The following POLQ variants were observed in gnomAD, a reference collection of about 807,000 sequenced individuals.
POLQ encodes epididymis secretory sperm binding protein.
Under a neutral mutation model 259.2 loss-of-function variants are expected in POLQ, and 233 were observed. That is an observed-to-expected ratio of 0.90 (90% CI 0.81 to 1.00). POLQ has a LOEUF of 1.00. Among genes scored for constraint, POLQ ranks in the 50% least tolerant of loss-of-function variants. The pLI is 0.00. For synonymous variants in POLQ, 1,025 were observed against 1,048.8 expected (o/e 0.98, Z 0.44); for missense variants, 2,871 against 3,051.6 (o/e 0.94, Z 1.39).
At chr3:121,518,473 T>C (rs1477257065) in intron 9 of POLQ, among the ~76,000 whole-genome samples, 3 of 152,184 alleles carry the variant, frequency 2.0e-5, no homozygotes, top group African/African-American at 7.2e-5. Context: ...CTTGGAAAGA[T>C]TCAAATTTTT....
chr3:121,432,511 T>G, intron 29 of POLQ, 94 bp from the exon 30 acceptor site: 1 of 1,284,860 alleles, frequency 7.8e-7, no homozygotes, highest in Non-Finnish European at 1.1e-6. Flanking sequence ...ACTGGAGCTC[T>G]TCACCCAATG....
rs774439685 is a variant in POLQ at position 121,522,072 on chromosome 3, G to C, written c.1186C>G (p.Arg396Gly). 1.2e-6 allele frequency: 2 copies of C among 1,609,718 alleles called. No individual in the cohort carries two copies. The highest frequency in any genetic ancestry group is 1.7e-5 in the Admixed American group (1 of 59,688). ...ACAGAGTCCAGTCCTGAAGGCAAACGTCTTAACTGATCCATCACTTCCAGG... is the reference window on the plus strand; with the variant it reads ...ACAGAGTCCAGTCCTGAAGGCAAACCTCTTAACTGATCCATCACTTCCAGG... ...ELLEVMDQLR[R>G]LPSGLDSVLQ... The change falls in exon 8 of 30, where the codon CGT (arginine) becomes GGT (glycine). Residue 396 changes from arginine (R) to glycine (G), a missense_variant. Physicochemically the swap from Arg to Gly is moderately radical, Grantham distance 125 (BLOSUM62 -2). Around this residue, in one of 3 missense-constraint regions of POLQ, gnomAD observed 783 missense variants for 906.2 expected, o/e 0.86. Coordinates refer to ENST00000264233, the MANE Select transcript of POLQ (RefSeq NM_199420.4).
intron 6 of POLQ, among the ~76,000 whole-genome samples, chr3:121,532,678 C>T (rs546404949): frequency 9.0e-4 from 136 of 151,520 alleles, no homozygotes; most frequent in African/African-American, 3.0e-3. Flanking sequence ...GGATTACAGG[C>T]GCCCACCACC....
intron 12 of POLQ, among the ~76,000 whole-genome samples, chr3:121,499,968 T>C (rs2048154199): frequency 6.6e-6 from 1 of 151,990 alleles, no homozygotes; most frequent in South Asian, 2.1e-4. Flanking sequence ...AAGAACCAAA[T>C]GAAAATTCTG....
intron 9 of POLQ, among the ~76,000 whole-genome samples, chr3:121,516,883 T>C (rs1164457231): frequency 6.6e-6 from 1 of 152,178 alleles, no homozygotes; most frequent in Non-Finnish European, 1.5e-5. Flanking sequence ...TGAAATACAA[T>C]GATATGCAAG....
intron 7 of POLQ, among the ~76,000 whole-genome samples, chr3:121,522,743 A>G (rs1359287244): frequency 6.6e-6 from 1 of 152,192 alleles, no homozygotes; most frequent in African/African-American, 2.4e-5. Flanking sequence ...AAAGTTTAGG[A>G]AACTGTGTAA....
intron 22 of POLQ, among the ~76,000 whole-genome samples, chr3:121,470,976 G>C (rs893945740): frequency 6.6e-6 from 1 of 152,150 alleles, no homozygotes; most frequent in Non-Finnish European, 1.5e-5. Flanking sequence ...TAGGCATTGA[G>C]AGGTTAAGTA....
chr3:121,433,205 G>A (rs55797921), intron 28 of POLQ, among the ~76,000 whole-genome samples, 172 bp from the exon 29 acceptor site: 2 of 152,096 alleles, frequency 1.3e-5, no homozygotes, highest in African/African-American at 2.4e-5. Context: ...CTAAGTATCC[G>A]GTATAAACTC....
intron 25 of POLQ, among the ~76,000 whole-genome samples, chr3:121,452,922 G>C (rs2047691801): frequency 6.6e-6 from 1 of 152,236 alleles, no homozygotes; most frequent in Non-Finnish European, 1.5e-5. Flanking sequence ...TCTGAGAACA[G>C]GCAGACTGCC....
chr3:121,463,665 T>C (rs1225348632), intron 24 of POLQ, among the ~76,000 whole-genome samples: 1 of 152,174 alleles, frequency 6.6e-6, no homozygotes, highest in Non-Finnish European at 1.5e-5. Context: ...GGCATAGATA[T>C]TTTGGAATCT....
chr3:121,473,233 T>G, intron 21 of POLQ, 117 bp downstream of exon 21: 1 of 917,898 alleles, frequency 1.1e-6, no homozygotes, highest in Non-Finnish European at 1.6e-6. Flanking sequence ...TTAATTTATA[T>G]CTGGGTAAAT....
chr3:121,517,631 A>G (rs1441377557), intron 9 of POLQ, among the ~76,000 whole-genome samples: 1 of 152,210 alleles, frequency 6.6e-6, no homozygotes, highest in Non-Finnish European at 1.5e-5. Context: ...ACTATGTGCA[A>G]CTTCTGAGCA....
At chr3:121,506,939 A>C (rs946515919) in intron 12 of POLQ, among the ~76,000 whole-genome samples, 2 of 152,210 alleles carry the variant, frequency 1.3e-5, no homozygotes, top group African/African-American at 4.8e-5. Flanking sequence ...AAGAATAAAA[A>C]ATGAATTGAT....
intron 24 of POLQ, among the ~76,000 whole-genome samples, chr3:121,463,063 C>T (rs1012103726): frequency 6.6e-6 from 1 of 152,172 alleles, no homozygotes; most frequent in African/African-American, 2.4e-5. Flanking sequence ...TCACATTTTA[C>T]AAAAAGCAAA....
At chr3:121,466,417 G>T (rs1489032458) in intron 24 of POLQ, among the ~76,000 whole-genome samples, 1 of 148,282 alleles carries the variant, frequency 6.7e-6, no homozygotes, top group Non-Finnish European at 1.5e-5. Context: ...TTAGCCAGGC[G>T]CAGTGGCTCA....
Position 121,460,190 on chromosome 3 carries a change from T to A in POLQ, c.7012A>T (p.Ile2338Phe). Residue 2338 changes from isoleucine to phenylalanine, a missense_variant, in exon 25 of 30, where the codon ATC (isoleucine) becomes TTC (phenylalanine). Physicochemically the swap from Ile to Phe is conservative, Grantham distance 21. Around this residue, in one of 3 missense-constraint regions of POLQ, gnomAD observed 2,080 missense variants for 2,126.0 expected, o/e 0.98. Coordinates refer to ENST00000264233, the MANE Select transcript of POLQ (RefSeq NM_199420.4). ...CGATCATGGGATAAATGAGCCAAGATCCTCAGTTCAAGCTGAGAGTAGTCA... is the reference window on the plus strand; with the variant it reads ...CGATCATGGGATAAATGAGCCAAGAACCTCAGTTCAAGCTGAGAGTAGTCA... The part of the protein sequence containing the change: ...AADYSQLELR[I>F]LAHLSHDRRL... The A allele has an allele frequency of 6.2e-7, 1 of 1,613,700 alleles. No individual in the cohort carries two copies. Among genetic ancestry groups the A allele is most frequent in the Non-Finnish European group, 8.5e-7 (1 of 1,179,646 alleles).
Position 121,533,104 on chromosome 3 carries a change from G to T in POLQ, c.846C>A (p.Leu282=). Residue 282 remains leucine, a synonymous_variant, in exon 6 of 30, where the codon CTC becomes CTA. Coordinates refer to ENST00000264233, the MANE Select transcript of POLQ (RefSeq NM_199420.4). ...GTACAGGGCGAAAGTCGGTATGGTA[G>T]AGTTCAGCATTCAACCAGGAAGCCA... ...ELVASWLNAE[L]YHTDFRPVPL... 2 of 1,614,074 alleles carry T rather than the reference G, an allele frequency of 1.2e-6. No homozygotes were observed. The highest frequency in any genetic ancestry group is 1.7e-6 in the Non-Finnish European group (2 of 1,179,958).
chr3:121,485,151 T>C lies in POLQ; in HGVS notation c.5663A>G (p.Asp1888Gly), dbSNP rs374787971. The stretch of plus-strand genomic sequence containing the variant: ...ATCACAACCTTTAATGGGAAATCCA[T>C]CATCTCTAATAGGAATTTCCTGAGG... ...SSPQEIPIRD[D>G]GFPIKGCDDT... Residue 1888 changes from aspartate to glycine, a missense_variant, in exon 17 of 30, where the codon GAT (aspartate) becomes GGT (glycine). Asp to Gly is a moderately conservative substitution (Grantham distance 94, BLOSUM62 -1). Around this residue, in one of 3 missense-constraint regions of POLQ, gnomAD observed 2,080 missense variants for 2,126.0 expected, o/e 0.98. Coordinates refer to ENST00000264233, the MANE Select transcript of POLQ (RefSeq NM_199420.4). 2.5e-5 allele frequency: 40 copies of C among 1,608,856 alleles called. No individual in the cohort carries two copies. The African/African-American group carries it at 5.2e-4, about 21-fold the overall frequency.
In POLQ at chr3:121,490,191, T is replaced by A; in HGVS notation, c.2740A>T (p.Ser914Cys). ...GTGTGTTCCTTTACTTCGGACTCACTATGAGTCAATGAGCATGTACTAGAA... is the reference window on the plus strand; with the variant it reads ...GTGTGTTCCTTTACTTCGGACTCACAATGAGTCAATGAGCATGTACTAGAA... ...LHSSTCSLTHSESEVKEHTFI... is the reference protein window; with the variant it reads ...LHSSTCSLTHCESEVKEHTFI... The change falls in exon 16 of 30, where the codon AGT becomes TGT. Residue 914 changes from serine (S) to cysteine (C), a missense_variant. Around this residue, in one of 3 missense-constraint regions of POLQ, gnomAD observed 2,080 missense variants for 2,126.0 expected, o/e 0.98. Coordinates refer to ENST00000264233, the MANE Select transcript of POLQ (RefSeq NM_199420.4). 6.2e-7 allele frequency: 1 copy of A among 1,612,460 alleles called. No individual in the cohort carries two copies. The highest frequency in any genetic ancestry group is 1.1e-5 in the South Asian group (1 of 90,974).
Sources: gnomAD v4.1 joint callset for allele counts (sites outside exome capture counted in the v4.1 genomes callset) on GRCh38, gnomAD v4.1.1 for gene constraint, gnomAD v4.1.1 regional missense constraint, MANE v1.5 for transcripts, NCBI Gene and HGNC (gene_info 2026-07-23, HGNC 2026-07-21) for gene names.